SIPA1L2: variants seen among roughly 807,000 people sequenced by gnomAD.
SIPA1L2 encodes signal-induced proliferation-associated 1-like protein 2.
A neutral mutation model predicts 163.9 loss-of-function variants in SIPA1L2; 56 were observed. The observed-to-expected ratio is 0.34, with a 90% CI of 0.28 to 0.43. The LOEUF is 0.43. SIPA1L2 is among the 20% of genes least tolerant of loss of function. SIPA1L2 has a pLI of 1.00. For missense variants in SIPA1L2, 1,974 were observed against 2,193.5 expected (o/e 0.90, Z 2.00); for synonymous variants, 877 against 865.7 (o/e 1.01, Z -0.23).
chr1:232,468,244 T>A (rs1397345667), intron 8 of SIPA1L2, among the ~76,000 whole-genome samples: 1 of 152,232 alleles, frequency 6.6e-6, no homozygotes, highest in Non-Finnish European at 1.5e-5. Context: ...TTCACCCAAA[T>A]AACTCGATAG....
chr1:232,611,167 T>C (rs1316424093), intron 1 of SIPA1L2, among the ~76,000 whole-genome samples: 5 of 152,190 alleles, frequency 3.3e-5, no homozygotes. Flanking sequence ...ATGTAAGAAC[T>C]GCCTTTTGCC....
intron 1 of SIPA1L2, among the ~76,000 whole-genome samples, chr1:232,607,991 G>A (rs1179309894): frequency 6.9e-6 from 1 of 144,462 alleles, no homozygotes; most frequent in Non-Finnish European, 1.5e-5. Context: ...GGAGGCGGAG[G>A]TTGCGGTGAG....
intron 1 of SIPA1L2, among the ~76,000 whole-genome samples, chr1:232,599,390 G>A (rs1200740268): frequency 6.6e-6 from 1 of 152,228 alleles, no homozygotes; most frequent in Non-Finnish European, 1.5e-5. Context: ...ATCCAGGACA[G>A]CAAGATGCTG....
intron 1 of SIPA1L2, among the ~76,000 whole-genome samples, chr1:232,600,547 A>G (rs1043987603): frequency 1.3e-5 from 2 of 152,204 alleles, no homozygotes; most frequent in African/African-American, 4.8e-5. Context: ...TGTGTCTGAA[A>G]CAGGCTTTTT....
intron 7 of SIPA1L2, among the ~76,000 whole-genome samples, chr1:232,474,867 TAGAC>T (rs1664962729): frequency 6.6e-6 from 1 of 152,166 alleles, no homozygotes; most frequent in African/African-American, 2.4e-5. Context: ...AAAGCTGAAT[TAGAC>T]AGTATCTGCT....
chr1:232,627,669 T>A (rs76152422), intron 1 of SIPA1L2, among the ~76,000 whole-genome samples: 6,923 of 152,206 alleles, frequency 0.045, 195 homozygotes, highest in East Asian at 0.088. Flanking sequence ...TTTGAGAAAA[T>A]CTATGATTTC....
rs368264412 is a variant in SIPA1L2, at chr1:232,515,179, G to A, written c.161C>T (p.Ser54Leu). The change falls in exon 3 of 23, where the codon TCG becomes TTG. Residue 54 changes from serine to leucine, a missense_variant. By Grantham distance (145) the Ser-to-Leu change is moderately radical (BLOSUM62 -2). Coordinates refer to ENST00000674635, the MANE Select transcript of SIPA1L2 (RefSeq NM_020808.5). ...NMGPTTSLNA[S>L]NSNETGGGGP... The stretch of plus-strand genomic sequence containing the variant: ...ACCACCGCCAGTCTCATTGGAATTC[G>A]AGGCATTTAAAGAAGTAGTGGGTCC... 58 of 1,614,020 alleles carry A rather than the reference G, an allele frequency of 3.6e-5. No homozygotes were observed. Among genetic ancestry groups the A allele is most frequent in the Non-Finnish European group, 4.2e-5 (50 of 1,180,012 alleles).
intron 2 of SIPA1L2, among the ~76,000 whole-genome samples, chr1:232,550,442 G>A (rs1324176762): frequency 6.6e-6 from 1 of 152,166 alleles, no homozygotes; most frequent in East Asian, 1.9e-4. Flanking sequence ...AACCACAAGA[G>A]TCTGTGCAGC....
Position 232,445,795 on chromosome 1 carries a change from C to A in SIPA1L2, c.3096-9G>T. 6.2e-7 allele frequency: 1 copy of A among 1,609,656 alleles called. No individual in the cohort carries two copies. The highest frequency in any genetic ancestry group is 1.1e-5 in the South Asian group (1 of 90,454). ...AGAGCTCTGAACACCCTCTGTTGGGCCAAGAAGAAATGGTGAGAAGGGAAG... is the reference window on the plus strand; with the variant it reads ...AGAGCTCTGAACACCCTCTGTTGGGACAAGAAGAAATGGTGAGAAGGGAAG... On this transcript the variant is annotated splice_polypyrimidine_tract_variant and intron_variant, in intron 10 of 22. Coordinates refer to ENST00000674635, the MANE Select transcript of SIPA1L2 (RefSeq NM_020808.5).
chr1:232,441,160 T>C lies in SIPA1L2; in HGVS notation c.3642+131A>G, dbSNP rs1662868253. ...AAATCAGGAAGATAGTTTCCTTTTT[T>C]AACCTCACCTCTAAGAGCCCTGTGA... On this transcript the variant is annotated intron_variant, in intron 14 of 22. Coordinates refer to ENST00000674635, the MANE Select transcript of SIPA1L2 (RefSeq NM_020808.5). 1.7e-5 allele frequency: 11 copies of C among 665,950 alleles called. 1 individual carries two copies. In the South Asian group the frequency reaches 2.8e-4, roughly 17 times the overall value. The allele number at this position is 665,950 out of a possible 1,614,324, so 41.3% of individuals were successfully genotyped here. A position where few individuals can be genotyped will look rare whatever the true frequency, so the allele number is the denominator to read the frequency against.
chr1:232,479,277 C>G (rs1417518103), intron 7 of SIPA1L2, among the ~76,000 whole-genome samples: 1 of 152,116 alleles, frequency 6.6e-6, no homozygotes, highest in African/African-American at 2.4e-5. Flanking sequence ...AAACAGTATT[C>G]TCTATAAATA....
chr1:232,543,900 T>C (rs1321638789), intron 2 of SIPA1L2, among the ~76,000 whole-genome samples: 1 of 152,164 alleles, frequency 6.6e-6, no homozygotes, highest in East Asian at 1.9e-4. Context: ...AAAATGTTAA[T>C]TGTTTATATT....
In SIPA1L2 at chr1:232,491,006, A is replaced by G; in HGVS notation, c.1674T>C (p.His558=). Residue 558 remains histidine (H), a synonymous_variant, in exon 5 of 23, where the codon CAT becomes CAC. Transcript: ENST00000674635. ...LEDAIPSTAR[H]GTARGLPLKE... ...TGAGAGGTAGTCCTCGTGCGGTACC[A>G]TGCCTAGCAGTAGAGGGTATAGCAT... 3 of 1,614,164 alleles carry G rather than the reference A, an allele frequency of 1.9e-6. No homozygotes were observed. Among genetic ancestry groups the G allele is most frequent in the Non-Finnish European group, 2.5e-6 (3 of 1,179,998 alleles).
At chr1:232,460,450 T>C (rs772650185) in intron 10 of SIPA1L2, among the ~76,000 whole-genome samples, 2 of 152,168 alleles carry the variant, frequency 1.3e-5, no homozygotes, top group African/African-American at 2.4e-5. Flanking sequence ...CCTACAACTA[T>C]TGGTCTGTTA....
rs77249969 is a variant in SIPA1L2, at chr1:232,485,207, C to A, written c.1807-1241G>T. ...GAGAAGGCTATAAAAGGAAATATCA[C>A]CTGTTTACAATCTGACTGAATCAGC... On this transcript the variant is annotated intron_variant, in intron 5 of 22. Coordinates refer to ENST00000674635, the MANE Select transcript of SIPA1L2 (RefSeq NM_020808.5). Among the ~76,000 whole-genome samples the A allele has an allele frequency of 2.0e-5, 3 of 152,280 alleles. No homozygotes were observed. The East Asian group carries it at 5.8e-4, about 29-fold the overall frequency.
chr1:232,414,399 C>T (rs1661130910), intron 19 of SIPA1L2, among the ~76,000 whole-genome samples: 1 of 152,134 alleles, frequency 6.6e-6, no homozygotes. Flanking sequence ...AGTGAACCCT[C>T]AACCTTCCGC....
intron 19 of SIPA1L2, among the ~76,000 whole-genome samples, chr1:232,415,042 T>C (rs1232685162): frequency 6.6e-6 from 1 of 152,190 alleles, no homozygotes; most frequent in African/African-American, 2.4e-5. Context: ...GTCAAGCCAA[T>C]CACGCTGGAG....
At chr1:232,476,953 T>G (rs1665077106) in intron 7 of SIPA1L2, among the ~76,000 whole-genome samples, 1 of 152,196 alleles carries the variant, frequency 6.6e-6, no homozygotes, top group Admixed American at 6.5e-5. Context: ...GGCTTCAAAT[T>G]GCACTCATGA....
intron 10 of SIPA1L2, among the ~76,000 whole-genome samples, chr1:232,459,278 A>G (rs1664098605): frequency 1.3e-5 from 2 of 152,220 alleles, no homozygotes; most frequent in Admixed American, 1.3e-4. Context: ...CAGTTCATGT[A>G]CGTAATAGCC....
Sources: gnomAD v4.1 joint callset for allele counts (sites outside exome capture counted in the v4.1 genomes callset) on GRCh38, gnomAD v4.1.1 for gene constraint, MANE v1.5 for transcripts, NCBI Gene and HGNC (gene_info 2026-07-23, HGNC 2026-07-21) for gene names.